The following ZFP64 variants were observed in gnomAD, a reference collection of about 807,000 sequenced individuals.
ZFP64 encodes zinc finger protein 64.
Under a neutral mutation model 51.6 loss-of-function variants are expected in ZFP64, and 14 were observed. The observed-to-expected ratio is 0.27, with a 90% CI of 0.18 to 0.42. ZFP64 has a LOEUF of 0.42. Among genes scored for constraint, ZFP64 ranks in the 10% least tolerant of loss-of-function variants. The pLI is 1.00. For missense variants in ZFP64, 754 were observed against 906.8 expected (o/e 0.83, Z 2.16); for synonymous variants, 375 against 361.4 (o/e 1.04, Z -0.43).
At chr20:52,132,924 C>T (rs1269849974) in intron 5 of ZFP64, among the ~76,000 whole-genome samples, 15 of 151,992 alleles carry the variant, frequency 9.9e-5, no homozygotes, top group Admixed American at 9.2e-4. Context: ...AACTACAGGT[C>T]AATATCTCTG....
intron 2 of ZFP64, among the ~76,000 whole-genome samples, chr20:52,184,268 T>A (rs776224218): frequency 2.0e-5 from 3 of 152,178 alleles, no homozygotes; most frequent in Admixed American, 2.0e-4. Context: ...CAACAAAGTT[T>A]TATATTTGGA....
chr20:52,145,768 T>TG (rs1335741713), intron 5 of ZFP64, among the ~76,000 whole-genome samples: 11 of 152,138 alleles, frequency 7.2e-5, no homozygotes, highest in Admixed American at 7.2e-4. Context: ...GGTGAGTCAG[T>TG]GGGTGAGTGG....
chr20:52,170,272 T>C (rs1325577935), intron 2 of ZFP64, among the ~76,000 whole-genome samples: 2 of 151,720 alleles, frequency 1.3e-5, no homozygotes, highest in Non-Finnish European at 2.9e-5. Context: ...GCCAACATGG[T>C]GAGACCCTGT....
At chr20:52,159,323 A>G (rs1485646949) in intron 5 of ZFP64, among the ~76,000 whole-genome samples, 2 of 152,230 alleles carry the variant, frequency 1.3e-5, no homozygotes, top group Admixed American at 1.3e-4. Flanking sequence ...AAGCTGTTCC[A>G]TGCTGAACTA....
At chr20:52,119,478 T>C (rs1979045035) in intron 5 of ZFP64, among the ~76,000 whole-genome samples, 1 of 143,444 alleles carries the variant, frequency 7.0e-6, no homozygotes, top group Non-Finnish European at 1.5e-5. Flanking sequence ...CAGCCAAGAC[T>C]GTCACTTCAC....
intron 2 of ZFP64, among the ~76,000 whole-genome samples, chr20:52,167,926 G>T (rs539829917): frequency 6.6e-6 from 1 of 152,126 alleles, no homozygotes; most frequent in African/African-American, 2.4e-5. Context: ...ATATTTCTTT[G>T]AATCTAAGAT....
intron 5 of ZFP64, among the ~76,000 whole-genome samples, chr20:52,119,533 AATATATAT>A (rs71192595): frequency 1.1e-5 from 1 of 89,840 alleles, no homozygotes; most frequent in African/African-American, 4.7e-5. Context: ...AAAAAAAAAA[AATATATAT>A]ATATATATAT....
Position 52,152,536 on chromosome 20 carries a change from AG to A in ZFP64, c.1655del (p.Pro552LeufsTer13). The A allele has an allele frequency of 3.1e-6, 5 of 1,588,380 alleles. No individual in the cohort carries two copies. The highest frequency in any genetic ancestry group is 1.1e-5 in the South Asian group (1 of 87,072). ...ILRQVSLIAP[P>X]QSSRCPSEAG... ...CCTCGCTCGGACACCGCGAGGACTGAGGGGGGGCGATCAGACTGACCTGGCG... is the reference window on the plus strand; with the variant it reads ...CCTCGCTCGGACACCGCGAGGACTGAGGGGGGCGATCAGACTGACCTGGCG... On this transcript the variant is annotated frameshift_variant, in exon 6 of 6. Transcript: ENST00000216923. LOFTEE classifies it high-confidence loss of function.
chr20:52,103,099 G>A (rs185566820), intron 5 of ZFP64, among the ~76,000 whole-genome samples: 208 of 152,252 alleles, frequency 1.4e-3, no homozygotes, highest in African/African-American at 4.8e-3. Flanking sequence ...CCTGGGAAAG[G>A]TGCAGCTGGG....
intron 5 of ZFP64, among the ~76,000 whole-genome samples, chr20:52,103,970 C>G (rs2079081478): frequency 6.6e-6 from 1 of 152,232 alleles, no homozygotes; most frequent in Admixed American, 6.5e-5. Flanking sequence ...GATGCGGAAG[C>G]TGGAGAGCCC....
exon 9 of ZFP64, chr20:52,084,800 C>A: frequency 6.2e-7 from 1 of 1,614,184 alleles, no homozygotes; most frequent in Non-Finnish European, 8.5e-7. Flanking sequence ...GGGAGCTGCC[C>A]TCTCTGAGCC....
intron 5 of ZFP64, among the ~76,000 whole-genome samples, chr20:52,122,751 G>A (rs1034297044): frequency 2.0e-5 from 3 of 152,112 alleles, no homozygotes; most frequent in Non-Finnish European, 4.4e-5. Flanking sequence ...AGAAGTAGCT[G>A]CAGATGTGGT....
At chr20:52,103,782 T>C (rs2079079319) in intron 5 of ZFP64, among the ~76,000 whole-genome samples, 1 of 152,182 alleles carries the variant, frequency 6.6e-6, no homozygotes, top group African/African-American at 2.4e-5. Context: ...CCTATCTCCA[T>C]CCCAGGCCTC....
At chr20:52,097,481 GT>G (rs1253874152) in intron 6 of ZFP64, 3 of 1,542,624 alleles carry the variant, frequency 1.9e-6, no homozygotes, top group Admixed American at 1.9e-5. Context: ...TGGAGACAGA[GT>G]TTTGCTCTGT....
intron 7 of ZFP64, among the ~76,000 whole-genome samples, chr20:52,089,849 G>T (rs1394201144): frequency 6.6e-6 from 1 of 152,118 alleles, no homozygotes; most frequent in Non-Finnish European, 1.5e-5. Flanking sequence ...CAAATGTAAT[G>T]TTGGTAATGG....
intron 5 of ZFP64, among the ~76,000 whole-genome samples, chr20:52,131,152 G>C (rs1979704781): frequency 2.1e-5 from 3 of 144,334 alleles, no homozygotes; most frequent in African/African-American, 7.7e-5. Context: ...AAAACAGGAA[G>C]GAAGGAAAGG....
intron 5 of ZFP64, among the ~76,000 whole-genome samples, chr20:52,156,699 T>A (rs1035648286): frequency 2.7e-4 from 41 of 152,214 alleles, no homozygotes; most frequent in African/African-American, 9.9e-4. Flanking sequence ...GGTGACGCTG[T>A]AACAGAAAAC....
intron 5 of ZFP64, among the ~76,000 whole-genome samples, chr20:52,131,412 A>G (rs1979717409): frequency 6.6e-6 from 1 of 152,152 alleles, no homozygotes; most frequent in Admixed American, 6.5e-5. Context: ...TAAAGTCTCC[A>G]ATCAAAAGAC....
intron 5 of ZFP64, among the ~76,000 whole-genome samples, chr20:52,117,077 A>ACG (rs1978913499): frequency 7.0e-6 from 1 of 143,470 alleles, no homozygotes; most frequent in African/African-American, 2.6e-5. Flanking sequence ...TCTCACACAC[A>ACG]CACGCACACA....
Sources: allele counts gnomAD v4.1 joint callset (sites outside exome capture counted in the v4.1 genomes callset), GRCh38; gene constraint gnomAD v4.1.1; transcripts MANE v1.5; gene names NCBI Gene and HGNC (gene_info 2026-07-23, HGNC 2026-07-21).